Variants in SLC44A2 observed in about 807,000 individuals in gnomAD.
The protein encoded by SLC44A2 is solute carrier family 44 member 2 (CTL2 blood group).
Under a neutral mutation model 90.8 loss-of-function variants are expected in SLC44A2, and 57 were observed. The ratio of observed to expected loss-of-function variants is 0.63; its 90% CI spans 0.51 to 0.78. The LOEUF (loss-of-function observed/expected upper bound fraction) is 0.78. SLC44A2 is among the 30% of genes least tolerant of loss of function. The pLI is 0.00. For synonymous variants in SLC44A2, 355 were observed against 360.7 expected, an observed-to-expected ratio of 0.98 and a Z score of 0.18; for missense variants, 794 against 919.7, an observed-to-expected ratio of 0.86 and a Z score of 1.77.
Position 10,631,108 on chromosome 19 carries a change from G to A in SLC44A2, c.297G>A (p.Leu99=). The A allele has an allele frequency of 1.2e-6, 2 of 1,613,990 alleles. No individual in the cohort carries two copies. Among genetic ancestry groups the A allele is most frequent in the Non-Finnish European group, 1.7e-6 (2 of 1,180,002 alleles). Residue 99 remains leucine, a synonymous_variant, in exon 5 of 22, where the codon CTG becomes CTA. Coordinates refer to ENST00000335757, the MANE Select transcript of SLC44A2 (RefSeq NM_020428.4). The stretch of plus-strand genomic sequence containing the variant: ...ACATTGTGAAATGTGCCAGCCCCCT[G>A]GTTCTGCTGGAATTCCAATGTCCCA... ...YFNIVKCASP[L]VLLEFQCPTP... is the part of the protein sequence containing the mutation.
chr19:10,642,720 G>C (rs192783726), intron 21 of SLC44A2, among the ~76,000 whole-genome samples: 214 of 152,286 alleles, frequency 1.4e-3, no homozygotes, highest in African/African-American at 5.1e-3. Flanking sequence ...TGACTGGGGG[G>C]AGGGGATCTG....
Position 10,643,343 on chromosome 19 carries a change from G to GA in SLC44A2, c.2082dup (p.Leu695ThrfsTer134). On this transcript the variant is annotated frameshift_variant, in exon 22 of 22. Transcript: ENST00000335757. LOFTEE classifies it high-confidence loss of function. ...CTTACTTCATGTCTTCCACCCTCAA[G>GA]AAACTCTTGAACAAGACCAACAAGA... 1 of 1,612,970 alleles carries GA rather than the reference G, an allele frequency of 6.2e-7. No individual in the cohort carries two copies.
At position 10,636,404 on chromosome 19, in the gene SLC44A2, C is replaced by T. The variant is rs1161881968; in HGVS notation, c.1315C>T (p.His439Tyr). The change falls in exon 15 of 22, where the codon CAC becomes TAC. Residue 439 changes from histidine (H) to tyrosine (Y), a missense_variant. His to Tyr is a moderately conservative substitution (Grantham distance 83, BLOSUM62 2). This residue lies in a region of SLC44A2 where 738 missense variants were observed against 841.1 expected (regional missense o/e 0.88). Transcript: ENST00000335757. The stretch of plus-strand genomic sequence containing the variant: ...CTTCTACGGTGGTGAGTCGGGCTAC[C>T]ACCGGGCCCTGCTGGGCCTGCAGAT... The part of the protein sequence containing the change: ...FAFYGGESGY[H>Y]RALLGLQIFN... The T allele has an allele frequency of 1.9e-6, 3 of 1,613,958 alleles. No individual in the cohort carries two copies. In the Admixed American group the frequency reaches 5.0e-5, roughly 27 times the overall value.
chr19:10,634,464 C>CAA (rs57865437), intron 10 of SLC44A2, among the ~76,000 whole-genome samples: 3 of 101,110 alleles, frequency 3.0e-5, no homozygotes, highest in African/African-American at 3.5e-5. Flanking sequence ...AACTCCGTCT[C>CAA]AAAAAAAAAA....
rs1253872880 is a variant in SLC44A2, at chr19:10,631,641, T to G, written c.518T>G (p.Phe173Cys). ...CTCCATGCAGTGGCCCGGAGATGCT[T>G]CCCCGCTATCCACGCCTACAAGGGT... ...IPSKPLARRC[F>C]PAIHAYKGVL... Residue 173 changes from phenylalanine to cysteine, a missense_variant, in exon 8 of 22, where the codon TTC (phenylalanine) becomes TGC (cysteine). By Grantham distance (205) the Phe-to-Cys change is radical. Coordinates refer to ENST00000335757, the MANE Select transcript of SLC44A2 (RefSeq NM_020428.4). 1.9e-6 allele frequency: 3 copies of G among 1,613,738 alleles called. No homozygotes were observed. Among genetic ancestry groups the G allele is most frequent in the Non-Finnish European group, 2.5e-6 (3 of 1,180,010 alleles).
chr19:10,602,577 G>A, intron 1 of SLC44A2: 2 of 1,267,822 alleles, frequency 1.6e-6, no homozygotes, highest in South Asian at 3.1e-5. Context: ...AGCCGCCTCC[G>A]GTCAGGGGCC....
At chr19:10,643,004 G>A (rs765235020) in intron 21 of SLC44A2, 23 of 1,567,538 alleles carry the variant, frequency 1.5e-5, no homozygotes, top group Non-Finnish European at 1.7e-5. Context: ...GAAGCGGGCA[G>A]AAGCCGAGGA....
Position 10,627,979 on chromosome 19 carries a change from T to C in SLC44A2, c.220T>C (p.Cys74Arg). ...CCCCACTGACAGCCGGGGCGAGTTC[T>C]GCGGGCAGAAGGGCACAAAAAACGA... The part of the protein sequence containing the change: ...IYPTDSRGEF[C>R]GQKGTKNENK... Residue 74 changes from cysteine to arginine, a missense_variant, in exon 4 of 22, where the codon TGC becomes CGC. This residue lies in a region of SLC44A2 where 738 missense variants were observed against 841.1 expected (regional missense o/e 0.88). Transcript: ENST00000335757. The C allele has an allele frequency of 6.2e-7, 1 of 1,613,812 alleles. No individual in the cohort carries two copies. The highest frequency in any genetic ancestry group is 8.5e-7 in the Non-Finnish European group (1 of 1,179,882).
At chr19:10,608,916 G>T (rs897757917) in intron 1 of SLC44A2, among the ~76,000 whole-genome samples, 1 of 149,826 alleles carries the variant, frequency 6.7e-6, no homozygotes, top group African/African-American at 2.5e-5. Flanking sequence ...CTGCCAGAGT[G>T]CTGGGGCTAG....
At chr19:10,621,349 C>T (rs2066893052), upstream of SLC44A2, among the ~76,000 whole-genome samples, 1 of 148,316 alleles carries the variant, frequency 6.7e-6, no homozygotes, top group African/African-American at 2.5e-5. Context: ...GAGACTCTGC[C>T]TCAAAAAAGA....
chr19:10,636,890 T>C, intron 16 of SLC44A2, 134 bp downstream of exon 16: 1 of 948,318 alleles, frequency 1.1e-6, no homozygotes, highest in East Asian at 2.7e-5. Flanking sequence ...TATGACGGGG[T>C]GGAGTTCAGG....
intron 1 of SLC44A2, among the ~76,000 whole-genome samples, chr19:10,611,096 A>G (rs998047259): frequency 2.0e-5 from 3 of 151,706 alleles, no homozygotes; most frequent in Non-Finnish European, 2.9e-5. Flanking sequence ...TTCCCCTTCA[A>G]CCTCCTAAGT....
chr19:10,635,234 C>T lies in SLC44A2; in HGVS notation c.1127C>T (p.Ala376Val). Residue 376 changes from alanine to valine, a missense_variant, in exon 13 of 22, where the codon GCC becomes GTC. Around this residue, in one of 3 missense-constraint regions of SLC44A2, gnomAD observed 738 missense variants for 841.1 expected, o/e 0.88. Transcript: ENST00000335757. ...TTCTTCTTGCTGTGCCTCTGCATCG[C>T]CTACTGGGCCAGCACTGCTGTGTAT... ...VTFFLLCLCI[A>V]YWASTAVFLS... 1 of 1,614,026 alleles carries T rather than the reference C, an allele frequency of 6.2e-7. No individual in the cohort carries two copies. The highest frequency in any genetic ancestry group is 8.5e-7 in the Non-Finnish European group (1 of 1,180,028).
chr19:10,614,755 G>A (rs1317211046), intron 1 of SLC44A2, among the ~76,000 whole-genome samples: 3 of 151,944 alleles, frequency 2.0e-5, no homozygotes, highest in East Asian at 1.9e-4. Flanking sequence ...CGGATCACCC[G>A]AGGTCAGGAG....
At chr19:10,629,406 T>A (rs887232899) in intron 4 of SLC44A2, among the ~76,000 whole-genome samples, 2 of 151,124 alleles carry the variant, frequency 1.3e-5, no homozygotes, top group Non-Finnish European at 2.9e-5. Context: ...GCCTCCCGAG[T>A]TGCTGGGATT....
chr19:10,625,869 C>A (rs1166613628), intron 1 of SLC44A2, among the ~76,000 whole-genome samples, 199 bp downstream of exon 1: 1 of 152,122 alleles, frequency 6.6e-6, no homozygotes, highest in Non-Finnish European at 1.5e-5. Context: ...TCCTTACTCT[C>A]CCCTACCCGA....
intron 13 of SLC44A2, 51 bp downstream of exon 13, chr19:10,635,306 A>T (rs1382280625): frequency 6.2e-7 from 1 of 1,609,764 alleles, no homozygotes; most frequent in Middle Eastern, 1.7e-4. Flanking sequence ...CTAAAGACCA[A>T]CTTTGCCTAG....
chr19:10,625,941 A>G (rs1174666576), intron 1 of SLC44A2, among the ~76,000 whole-genome samples: 1 of 147,998 alleles, frequency 6.8e-6, no homozygotes, highest in Non-Finnish European at 1.5e-5. Flanking sequence ...CCCCTATCCC[A>G]CCTCAGATCT....
At chr19:10,609,413 C>T (rs1205761310) in intron 1 of SLC44A2, among the ~76,000 whole-genome samples, 1 of 152,008 alleles carries the variant, frequency 6.6e-6, no homozygotes, top group African/African-American at 2.4e-5. Context: ...GATTCTCCTG[C>T]CTCAGGCTCC....
Sources: gnomAD v4.1 joint callset for allele counts (sites outside exome capture counted in the v4.1 genomes callset) on GRCh38, gnomAD v4.1.1 for gene constraint, gnomAD v4.1.1 regional missense constraint, MANE v1.5 for transcripts, NCBI Gene and HGNC (gene_info 2026-07-23, HGNC 2026-07-21) for gene names.